The following CREB5 variants were observed in gnomAD, a reference collection of about 807,000 sequenced individuals.
CREB5 encodes the protein cyclic AMP-responsive element-binding protein 5.
In CREB5, 19 loss-of-function variants were observed where a neutral mutation model predicts 57.1. That is an observed-to-expected ratio of 0.33 (90% CI 0.23 to 0.49). CREB5 has a LOEUF of 0.49. Ranked by LOEUF, CREB5 falls within the 20% of genes least tolerant of loss-of-function variation. CREB5 has a pLI of 0.99. For synonymous variants in CREB5, 238 were observed against 238.3 expected (o/e 1.00, Z 0.01); for missense variants, 579 against 671.6 (o/e 0.86, Z 1.52).
upstream of CREB5, chr7:28,409,893 C>A (rs1787698557): frequency 2.2e-6 from 1 of 455,194 alleles, no homozygotes; most frequent in Non-Finnish European, 4.4e-6. This position sits in a 1 kb window ranked among gnomAD's most constrained non-coding sequence, Gnocchi z 4.4. Context: ...TGTTTGCCTC[C>A]AGAGACCTGG....
At chr7:28,733,391 C>T (rs986464061) in intron 7 of CREB5, among the ~76,000 whole-genome samples, 4 of 152,172 alleles carry the variant, frequency 2.6e-5, no homozygotes, top group African/African-American at 9.7e-5. Context: ...CCTTCTCCTC[C>T]ACTCATCTCT....
intron 1 of CREB5, among the ~76,000 whole-genome samples, chr7:28,449,700 G>C (rs895062093): frequency 6.6e-6 from 1 of 152,140 alleles, no homozygotes; most frequent in African/African-American, 2.4e-5. Flanking sequence ...TCATGTGTTA[G>C]GATCCTTCTC....
chr7:28,726,111 T>C (rs1803321416), intron 7 of CREB5, among the ~76,000 whole-genome samples: 1 of 152,196 alleles, frequency 6.6e-6, no homozygotes, highest in South Asian at 2.1e-4. Flanking sequence ...AAAAATAGTT[T>C]TACCCCACAA....
At chr7:28,736,085 C>T (rs1392178885) in intron 7 of CREB5, among the ~76,000 whole-genome samples, 2 of 152,128 alleles carry the variant, frequency 1.3e-5, no homozygotes, top group African/African-American at 4.8e-5. Context: ...AGGCATGAGC[C>T]CCAACACCTG....
At chr7:28,648,194 C>T (rs1343973310) in intron 5 of CREB5, among the ~76,000 whole-genome samples, 4 of 151,934 alleles carry the variant, frequency 2.6e-5, no homozygotes, top group African/African-American at 9.7e-5. Context: ...CTGTCATTCT[C>T]AGGGGTAAGA....
intron 3 of CREB5, among the ~76,000 whole-genome samples, chr7:28,502,380 T>C (rs1204492486): frequency 6.8e-6 from 1 of 148,022 alleles, no homozygotes; most frequent in Non-Finnish European, 1.5e-5. Context: ...ATGAGATAAA[T>C]GTAACCAAAA....
intron 5 of CREB5, among the ~76,000 whole-genome samples, chr7:28,589,747 T>G (rs911194666): frequency 2.0e-5 from 3 of 151,978 alleles, no homozygotes; most frequent in African/African-American, 7.3e-5. Context: ...TTCTGTAATA[T>G]CCACGGTTTG....
chr7:28,672,940 C>T (rs1211046794), intron 5 of CREB5, among the ~76,000 whole-genome samples: 2 of 152,180 alleles, frequency 1.3e-5, no homozygotes, highest in Non-Finnish European at 2.9e-5. Context: ...TTGAAGTAAC[C>T]ATTATGGCAT....
chr7:28,638,639 G>A (rs113469540), intron 5 of CREB5, among the ~76,000 whole-genome samples: 1,944 of 152,036 alleles, frequency 0.013, 11 homozygotes, highest in South Asian at 0.036. Flanking sequence ...GTGCCACCAC[G>A]CCCGGTCACA....
At chr7:28,534,177 G>A (rs1793858148) in intron 4 of CREB5, among the ~76,000 whole-genome samples, 1 of 152,214 alleles carries the variant, frequency 6.6e-6, no homozygotes, top group South Asian at 2.1e-4. Flanking sequence ...TTGTCTCCCT[G>A]TGCAATTTGC....
chr7:28,466,921 G>A (rs1790602617), intron 1 of CREB5, among the ~76,000 whole-genome samples: 1 of 152,254 alleles, frequency 6.6e-6, no homozygotes, highest in African/African-American at 2.4e-5. Flanking sequence ...CACACTTGAA[G>A]GGGTAATCAA....
chr7:28,642,503 T>C (rs1798697663), intron 5 of CREB5, among the ~76,000 whole-genome samples: 1 of 152,216 alleles, frequency 6.6e-6, no homozygotes, highest in Non-Finnish European at 1.5e-5. Context: ...TTTTTAAAAA[T>C]AGTTCAAGCT....
At chr7:28,700,685 G>C (rs1296489266) in intron 5 of CREB5, among the ~76,000 whole-genome samples, 1 of 152,130 alleles carries the variant, frequency 6.6e-6, no homozygotes, top group Non-Finnish European at 1.5e-5. Context: ...GTGCTCAGAT[G>C]ATGAGCTTCC....
chr7:28,566,518 ACT>A (rs1028162235), intron 4 of CREB5, among the ~76,000 whole-genome samples: 1 of 152,102 alleles, frequency 6.6e-6, no homozygotes. Context: ...AGATAGAGTC[ACT>A]CTTTGTGTTT....
At chr7:28,408,529 A>G (rs1418794913), upstream of CREB5, among the ~76,000 whole-genome samples, 2 of 152,216 alleles carry the variant, frequency 1.3e-5, no homozygotes, top group Non-Finnish European at 2.9e-5. Flanking sequence ...CCAGCCCGTG[A>G]GCTTGGGCCA....
At chr7:28,757,737 G>A (rs1805411813) in intron 7 of CREB5, among the ~76,000 whole-genome samples, 1 of 152,026 alleles carries the variant, frequency 6.6e-6, no homozygotes, top group Non-Finnish European at 1.5e-5. Context: ...TACAGGTGGA[G>A]TATCCCTTAT....
intron 1 of CREB5, among the ~76,000 whole-genome samples, chr7:28,442,105 T>A (rs1789214159): frequency 6.6e-6 from 1 of 152,130 alleles, no homozygotes; most frequent in African/African-American, 2.4e-5. Flanking sequence ...CTTCCCAGCC[T>A]CTAATACTCA....
At chr7:28,723,021 G>A (rs1433139621) in intron 6 of CREB5, among the ~76,000 whole-genome samples, 1 of 152,210 alleles carries the variant, frequency 6.6e-6, no homozygotes, top group East Asian at 1.9e-4. Flanking sequence ...TCTTGTTCGT[G>A]AGGTTTCAGT....
chr7:28,683,249 G>A (rs1012892602), intron 5 of CREB5, among the ~76,000 whole-genome samples: 1 of 152,128 alleles, frequency 6.6e-6, no homozygotes, highest in African/African-American at 2.4e-5. Context: ...TTTCTTTTTG[G>A]GAACAGGATC....
Sources: gnomAD v4.1 joint callset for allele counts (sites outside exome capture counted in the v4.1 genomes callset) on GRCh38, gnomAD v4.1.1 for gene constraint, Gnocchi (gnomAD v3.1) non-coding constraint, MANE v1.5 for transcripts, NCBI Gene and HGNC (gene_info 2026-07-23, HGNC 2026-07-21) for gene names.